The following EP300 variants were observed in gnomAD, a reference collection of about 807,000 sequenced individuals.
EP300 encodes the protein EP300 lysine acetyltransferase.
In EP300, 31 loss-of-function variants were observed where a neutral mutation model predicts 264.0. The observed-to-expected ratio is 0.12, with a 90% CI of 0.09 to 0.16. The LOEUF is 0.16. EP300 is among the 10% of genes least tolerant of loss of function. The pLI, the probability that EP300 is intolerant of heterozygous loss-of-function variation, is 1.00. For synonymous variants in EP300, 1,340 were observed against 1,045.4 expected, an observed-to-expected ratio of 1.28 and a Z score of -5.44; for missense variants, 2,766 against 3,052.9, an observed-to-expected ratio of 0.91 and a Z score of 2.21.
intron 1 of EP300, among the ~76,000 whole-genome samples, chr22:41,110,057 C>A (rs967220845): frequency 1.3e-5 from 2 of 150,984 alleles, no homozygotes; most frequent in African/African-American, 4.9e-5. Context: ...GATCTGCTCG[C>A]CTCGGCCTCC....
At chr22:41,121,322 C>G (rs1210742767) in intron 2 of EP300, among the ~76,000 whole-genome samples, 2 of 152,102 alleles carry the variant, frequency 1.3e-5, no homozygotes, top group Non-Finnish European at 2.9e-5. Context: ...GAGAAAGAAA[C>G]AAGATCAAAT....
rs539184992 is a variant in EP300, at chr22:41,152,793, T to C, written c.3142+443T>C. On this transcript the variant is annotated intron_variant, in intron 16 of 30. Coordinates refer to ENST00000263253, the MANE Select transcript of EP300 (RefSeq NM_001429.4). ...TTGTTTGGAATCGGATTCTCACTTT[T>C]GTTGTTCAGGCTGGAGTGCAGTGGC... is the stretch of plus-strand genomic sequence containing the variant. Among the ~76,000 whole-genome samples, 552 of 152,278 alleles carry C rather than the reference T, an allele frequency of 3.6e-3. 3 individuals carry two copies. The highest frequency in any genetic ancestry group is 6.1e-3 in the Non-Finnish European group (416 of 68,020).
chr22:41,158,061 A>G (rs1300544393), intron 18 of EP300, among the ~76,000 whole-genome samples: 1 of 152,140 alleles, frequency 6.6e-6, no homozygotes, highest in Non-Finnish European at 1.5e-5. Context: ...TTTTGTTTTT[A>G]AAATAAGACT....
In EP300 at chr22:41,178,740, G is replaced by T; in HGVS notation, c.7029G>T (p.Gln2343His). 1 of 1,614,060 alleles carries T rather than the reference G, an allele frequency of 6.2e-7. No homozygotes were observed. Among genetic ancestry groups the T allele is most frequent in the Non-Finnish European group, 8.5e-7 (1 of 1,180,020 alleles). ...CTTCTCCACACCACGTTTCCCCACA[G>T]ACAAGTTCCCCACATCCTGGACTGG... is the stretch of plus-strand genomic sequence containing the variant. ...PQPSPHHVSPQTSSPHPGLVA... is the reference protein window; with the variant it reads ...PQPSPHHVSPHTSSPHPGLVA... Residue 2343 changes from glutamine to histidine, a missense_variant, in exon 31 of 31, where the codon CAG becomes CAT. Coordinates refer to ENST00000263253, the MANE Select transcript of EP300 (RefSeq NM_001429.4).
rs368808210 is a variant in EP300 at position 41,119,177 on chromosome 22, T to TATTA, written c.729+1356_729+1357insATTA. On this transcript the variant is annotated intron_variant, in intron 2 of 30. Transcript: ENST00000263253. ...ACCACCATGCCTGGCTTATTATTAT[T>TATTA]TTTTTTTTTTTTTTTTTTTTTTTTA... Among the ~76,000 whole-genome samples, 487 of 130,512 alleles carry TATTA rather than the reference T, an allele frequency of 3.7e-3. 6 individuals are homozygous for TATTA. The highest frequency in any genetic ancestry group is 0.012 in the African/African-American group (395 of 33,140). The allele number at this position is 130,512 out of a possible 152,430, so 85.6% of individuals were successfully genotyped here. A position where few individuals can be genotyped will look rare whatever the true frequency, so the allele number is the denominator to read the frequency against.
intron 1 of EP300, among the ~76,000 whole-genome samples, chr22:41,098,207 A>G (rs2058712521): frequency 6.6e-6 from 1 of 152,080 alleles, no homozygotes; most frequent in African/African-American, 2.4e-5. Context: ...TTCGCTTAAT[A>G]GACGGTAGTT....
Position 41,146,728 on chromosome 22 carries a change from T to A in EP300, c.2054-11T>A, listed in dbSNP as rs765825212. On this transcript the variant is annotated splice_polypyrimidine_tract_variant and intron_variant, in intron 10 of 30. Coordinates refer to ENST00000263253, the MANE Select transcript of EP300 (RefSeq NM_001429.4). ...TGGTGCAAAGATACTTATTTCTCTT[T>A]TTTACTCTAGATGGCCCTCTACCTG... 1 of 1,613,932 alleles carries A rather than the reference T, an allele frequency of 6.2e-7. No individual in the cohort carries two copies. Among genetic ancestry groups the A allele is most frequent in the Non-Finnish European group, 8.5e-7 (1 of 1,179,786 alleles).
intron 1 of EP300, among the ~76,000 whole-genome samples, chr22:41,113,048 T>G (rs1056117108): frequency 1.3e-5 from 2 of 152,046 alleles, no homozygotes; most frequent in African/African-American, 4.8e-5. Flanking sequence ...TTATAGTCAA[T>G]AAAGTTAATG....
intron 27 of EP300, among the ~76,000 whole-genome samples, chr22:41,171,575 G>T (rs1182667711): frequency 2.0e-5 from 3 of 151,856 alleles, no homozygotes; most frequent in Non-Finnish European, 4.4e-5. Flanking sequence ...GAGCTCAAGT[G>T]ATCTGCCCAC....
Position 41,127,756 on chromosome 22 carries a change from G to A in EP300, c.1168+8G>A. On this transcript the variant is annotated splice_region_variant and intron_variant, in intron 4 of 30. Transcript: ENST00000263253. ...CAGGCAAGTCTTGCCAAGGTAAGTG[G>A]ACCCACAGGGTTACTGTACTTAGCA... The A allele has an allele frequency of 6.2e-7, 1 of 1,614,114 alleles. No homozygotes were observed. Among genetic ancestry groups the A allele is most frequent in the Non-Finnish European group, 8.5e-7 (1 of 1,180,044 alleles).
intron 1 of EP300, 86 bp from the exon 2 acceptor site, chr22:41,117,100 AT>A: frequency 8.6e-7 from 1 of 1,160,336 alleles, no homozygotes; most frequent in East Asian, 2.4e-5. Flanking sequence ...GGGAAATGAC[AT>A]TTAATGCTTA....
chr22:41,131,666 G>T, intron 6 of EP300, 33 bp downstream of exon 6: 1 of 1,613,728 alleles, frequency 6.2e-7, no homozygotes. Context: ...ACATGGTATT[G>T]GTTGTGTCAG....
chr22:41,152,474 C>T, intron 16 of EP300, 124 bp downstream of exon 16: 1 of 1,125,456 alleles, frequency 8.9e-7, no homozygotes, highest in Non-Finnish European at 1.3e-6. Flanking sequence ...ACCTGGAAGC[C>T]CTGGGCCTGG....
intron 23 of EP300, among the ~76,000 whole-genome samples, chr22:41,167,604 ATATATATATATATATATATATATATAT>A: frequency 3.4e-5 from 1 of 29,160 alleles, no homozygotes; most frequent in African/African-American, 7.5e-5. Context: ...ATATATATAT[ATATATATATATATATATATATATATAT>A]ATATAATGTT....
At chr22:41,162,673 A>C in intron 20 of EP300, 50 bp from the exon 21 acceptor site, 1 of 1,457,556 alleles carries the variant, frequency 6.9e-7, no homozygotes, top group Non-Finnish European at 9.6e-7. Flanking sequence ...CAGCAGTCAG[A>C]TTGCTCATCT....
chr22:41,106,720 TCCTC>T (rs2058759937), intron 1 of EP300, among the ~76,000 whole-genome samples: 1 of 151,984 alleles, frequency 6.6e-6, no homozygotes. Flanking sequence ...GGCTAAATGA[TCCTC>T]CCACCTCAGC....
At chr22:41,110,440 G>T (rs2058783527) in intron 1 of EP300, among the ~76,000 whole-genome samples, 1 of 150,810 alleles carries the variant, frequency 6.6e-6, no homozygotes, top group Non-Finnish European at 1.5e-5. Context: ...CTACAGGCAT[G>T]CTCCACCATT....
intron 7 of EP300, among the ~76,000 whole-genome samples, chr22:41,136,396 A>G (rs2058950672): frequency 6.6e-6 from 1 of 152,194 alleles, no homozygotes; most frequent in Admixed American, 6.5e-5. Context: ...CTTCCCTAAT[A>G]CAGTAGGATG....
At chr22:41,126,935 G>A (rs1468433423) in intron 3 of EP300, among the ~76,000 whole-genome samples, 1 of 151,378 alleles carries the variant, frequency 6.6e-6, no homozygotes, top group African/African-American at 2.4e-5. Context: ...GTAGAGACAG[G>A]GTTTCTCCAT....
Sources: allele counts gnomAD v4.1 joint callset (sites outside exome capture counted in the v4.1 genomes callset), GRCh38; gene constraint gnomAD v4.1.1; transcripts MANE v1.5; gene names NCBI Gene and HGNC (gene_info 2026-07-23, HGNC 2026-07-21).